SHCBP1L: variants seen among roughly 807,000 people sequenced by gnomAD.
The protein encoded by SHCBP1L is testicular spindle-associated protein SHCBP1L.
SHCBP1L carries 67 observed loss-of-function variants against 62.5 expected under a neutral mutation model. The ratio of observed to expected loss-of-function variants is 1.07; its 90% CI spans 0.88 to 1.31. SHCBP1L has a LOEUF of 1.31. SHCBP1L is among the 40% of genes most tolerant of loss of function. SHCBP1L has a pLI of 0.00. For synonymous variants in SHCBP1L, 284 were observed against 289.4 expected, an observed-to-expected ratio of 0.98 and a Z score of 0.19; for missense variants, 823 against 809.8, an observed-to-expected ratio of 1.02 and a Z score of -0.20.
intron 2 of SHCBP1L, chr1:182,944,537 TTGA>T (rs1651488965): frequency 6.6e-6 from 1 of 152,136 alleles, no homozygotes; most frequent in Admixed American, 6.5e-5. Flanking sequence ...ATAGAATTCC[TTGA>T]TGGTCTTCTA....
intron 6 of SHCBP1L, among the ~76,000 whole-genome samples, chr1:182,924,801 G>GAGAGAGAGAGA (rs1650660392): frequency 9.0e-6 from 1 of 111,664 alleles, no homozygotes; most frequent in Non-Finnish European, 1.9e-5. Flanking sequence ...AGAAAGAAAG[G>GAGAGAGAGAGA]AAGGAAGGAA....
chr1:182,924,764 GAA>G lies in SHCBP1L; in HGVS notation c.1182+4881_1182+4882del, dbSNP rs1271558360. Among the ~76,000 whole-genome samples the G allele has an allele frequency of 6.3e-4, 57 of 91,130 alleles. 1 individual carries two copies. Among genetic ancestry groups the G allele is most frequent in the African/African-American group, 2.1e-3 (30 of 14,016 alleles). 59.8% of individuals were successfully genotyped at this position (91,130 alleles called of 152,430 possible). ...AGAAAGAAAGAAAGAAAGAAAGAAA[GAA>G]AGAAAGAAAGAAAGAAAGAAAGAGA... is the stretch of plus-strand genomic sequence containing the variant. On this transcript the variant is annotated intron_variant, in intron 6 of 9. Coordinates refer to ENST00000367547, the MANE Select transcript of SHCBP1L (RefSeq NM_030933.4).
intron 6 of SHCBP1L, among the ~76,000 whole-genome samples, chr1:182,915,732 G>A (rs567111931): frequency 6.6e-6 from 1 of 151,496 alleles, no homozygotes; most frequent in African/African-American, 2.4e-5. Context: ...TGACTACAAT[G>A]GAATTAAAGT....
chr1:182,933,226 C>T (rs1208556820), intron 5 of SHCBP1L, among the ~76,000 whole-genome samples: 2 of 151,858 alleles, frequency 1.3e-5, no homozygotes, highest in Non-Finnish European at 2.9e-5. Flanking sequence ...CTTTATATTG[C>T]TGAGCAGTAT....
At chr1:182,910,366 G>A (rs1315080586) in intron 6 of SHCBP1L, among the ~76,000 whole-genome samples, 1 of 152,160 alleles carries the variant, frequency 6.6e-6, no homozygotes, top group African/African-American at 2.4e-5. Context: ...TAGCTTGCTG[G>A]TGCCAGCAGG....
chr1:182,931,681 C>G (rs1650999505), intron 5 of SHCBP1L, among the ~76,000 whole-genome samples: 1 of 152,050 alleles, frequency 6.6e-6, no homozygotes, highest in Admixed American at 6.6e-5. Flanking sequence ...TCCCTTGTTC[C>G]CCCCGCACAC....
chr1:182,928,948 T>C (rs1358072755), intron 6 of SHCBP1L, among the ~76,000 whole-genome samples: 2 of 151,600 alleles, frequency 1.3e-5, no homozygotes, highest in African/African-American at 4.8e-5. Context: ...ATATAGTGCA[T>C]AAAAAAGACA....
chr1:182,930,735 T>TTTTTTTTTTTTTTTTTTATTGTA (rs1650971190), intron 5 of SHCBP1L, among the ~76,000 whole-genome samples: 1 of 106,070 alleles, frequency 9.4e-6, no homozygotes, highest in African/African-American at 3.5e-5. Flanking sequence ...GTATTTTTTT[T>TTTTTTTTTTTTTTTTTTATTGTA]TTTTTTTTTT....
chr1:182,906,469 T>C (rs1002932382), intron 6 of SHCBP1L, among the ~76,000 whole-genome samples: 4 of 151,706 alleles, frequency 2.6e-5, no homozygotes, highest in African/African-American at 4.9e-5. Flanking sequence ...TTCACTCTTG[T>C]CACCCAGGTT....
chr1:182,936,507 C>G (rs1651178834), intron 5 of SHCBP1L, among the ~76,000 whole-genome samples: 2 of 152,020 alleles, frequency 1.3e-5, no homozygotes, highest in African/African-American at 4.8e-5. Context: ...AATTATACTT[C>G]TTTTTTTAAA....
intron 9 of SHCBP1L, among the ~76,000 whole-genome samples, chr1:182,901,349 T>C (rs542973703): frequency 6.6e-6 from 1 of 152,098 alleles, no homozygotes; most frequent in Non-Finnish European, 1.5e-5. Flanking sequence ...CCCAGCTACC[T>C]AGAAGGCTGA....
intron 5 of SHCBP1L, among the ~76,000 whole-genome samples, chr1:182,932,634 A>T (rs879478186): frequency 6.6e-6 from 1 of 150,382 alleles, no homozygotes; most frequent in Non-Finnish European, 1.5e-5. Context: ...AGCTGGGACA[A>T]CTGGCCTGCA....
chr1:182,904,787 G>A (rs2101919250), intron 7 of SHCBP1L, among the ~76,000 whole-genome samples: 2 of 150,696 alleles, frequency 1.3e-5, no homozygotes, highest in African/African-American at 4.9e-5. Context: ...AGACAGTCTT[G>A]CTCTTTCACC....
chr1:182,906,465 CTT>C (rs1650016072), intron 6 of SHCBP1L, among the ~76,000 whole-genome samples: 3 of 148,872 alleles, frequency 2.0e-5, no homozygotes, highest in African/African-American at 2.5e-5. Context: ...GAATTTCACT[CTT>C]GTCACCCAGG....
rs200240285 is a variant in SHCBP1L, at chr1:182,938,978, C to CA, written c.1076+197dup. 2.4e-3 allele frequency among the ~76,000 whole-genome samples: 370 copies of CA among 151,400 alleles called. 1 individual carries two copies. Among genetic ancestry groups the CA allele is most frequent in the East Asian group, 6.2e-3 (32 of 5,174 alleles). On this transcript the variant is annotated intron_variant, in intron 5 of 9. Coordinates refer to ENST00000367547, the MANE Select transcript of SHCBP1L (RefSeq NM_030933.4). ...AAATGGATTAATGAGTTCTTTTGGT[C>CA]AAAAAAAACAATGATTTCAGTGAAT...
chr1:182,912,091 G>A (rs2101925154), intron 6 of SHCBP1L, among the ~76,000 whole-genome samples: 1 of 152,266 alleles, frequency 6.6e-6, no homozygotes, highest in Non-Finnish European at 1.5e-5. Context: ...ACCTGCCCCA[G>A]GGCAGGACTC....
At chr1:182,930,121 G>T (rs1253675714) in intron 5 of SHCBP1L, among the ~76,000 whole-genome samples, 1 of 152,076 alleles carries the variant, frequency 6.6e-6, no homozygotes, top group Non-Finnish European at 1.5e-5. Flanking sequence ...GCCTGTGACA[G>T]GGAGGCATCA....
At chr1:182,933,125 C>T (rs776365419) in intron 5 of SHCBP1L, among the ~76,000 whole-genome samples, 13 of 151,404 alleles carry the variant, frequency 8.6e-5, no homozygotes, top group South Asian at 2.1e-4. Context: ...AGGCTGGTCT[C>T]GAACTCCTGA....
At chr1:182,945,117 C>G (rs1010087179) in intron 2 of SHCBP1L, among the ~76,000 whole-genome samples, 1 of 151,976 alleles carries the variant, frequency 6.6e-6, no homozygotes, top group Non-Finnish European at 1.5e-5. Context: ...GCGTGCGCCA[C>G]CACATCCGGC....
Sources: gnomAD v4.1 joint callset for allele counts (sites outside exome capture counted in the v4.1 genomes callset) on GRCh38, gnomAD v4.1.1 for gene constraint, MANE v1.5 for transcripts, NCBI Gene and HGNC (gene_info 2026-07-23, HGNC 2026-07-21) for gene names.